ZBTB10: variants seen among roughly 807,000 people sequenced by gnomAD.
The protein encoded by ZBTB10 is zinc finger and BTB domain-containing protein 10.
In ZBTB10, 32 loss-of-function variants were observed where a neutral mutation model predicts 76.4. The observed-to-expected ratio is 0.42, with a 90% CI of 0.32 to 0.56. The LOEUF (loss-of-function observed/expected upper bound fraction) is 0.56. Ranked by LOEUF, ZBTB10 falls within the 20% of genes least tolerant of loss-of-function variation. ZBTB10 has a pLI of 0.14. For missense variants in ZBTB10, 1,057 were observed against 1,098.5 expected (o/e 0.96, Z 0.53); for synonymous variants, 523 against 432.9 (o/e 1.21, Z -2.58).
rs1008256778 is a variant in ZBTB10 at position 80,523,526 on chromosome 8, A to C, written c.*3998A>C. ...AGAAACCCCAGTTTTTGTGCCGTTC[A>C]GTCACCCAGATCCTTAAACTTAACT... On this transcript the variant is annotated 3_prime_UTR_variant, in exon 6 of 6. Transcript: ENST00000455036. 1.3e-5 allele frequency: 2 copies of C among 151,980 alleles called. No homozygotes were observed. Among genetic ancestry groups the C allele is most frequent in the Non-Finnish European group, 2.9e-5 (2 of 67,886 alleles). The allele number at this position is 151,980 out of a possible 1,614,324, so 9.4% of individuals were successfully genotyped here. A position where few individuals can be genotyped will look rare whatever the true frequency, so the allele number is the denominator to read the frequency against.
Position 80,486,584 on chromosome 8 carries a change from C to A in ZBTB10, c.-227C>A, listed in dbSNP as rs1306897177. The A allele has an allele frequency of 1.0e-6, 1 of 986,452 alleles. No homozygotes were observed. Among genetic ancestry groups the A allele is most frequent in the Non-Finnish European group, 1.2e-6 (1 of 831,026 alleles). 61.1% of individuals were successfully genotyped at this position (986,452 alleles called of 1,614,324 possible). On this transcript the variant is annotated 5_prime_UTR_variant, in exon 1 of 6. Coordinates refer to ENST00000455036, the MANE Select transcript of ZBTB10 (RefSeq NM_001105539.3). ...GGGGCGGGGGTGGAGGACGAGAGAGCGGTCGGAGGCGTCGGCCCGGCAGCG... is the reference window on the plus strand; with the variant it reads ...GGGGCGGGGGTGGAGGACGAGAGAGAGGTCGGAGGCGTCGGCCCGGCAGCG...
At position 80,486,444 on chromosome 8, in the gene ZBTB10, A is replaced by C. The variant is rs1340709164; in HGVS notation, c.-367A>C. ...CGCGGCTTTAAAGAGGGGGCAGCGG[A>C]GGGTCTCCCCGCACTCCGCTGCTCA... On this transcript the variant is annotated 5_prime_UTR_variant, in exon 1 of 6. Transcript: ENST00000455036. 4 of 984,648 alleles carry C rather than the reference A, an allele frequency of 4.1e-6. No individual in the cohort carries two copies. Among genetic ancestry groups the C allele is most frequent in the Non-Finnish European group, 4.8e-6 (4 of 829,846 alleles). 61.0% of individuals were successfully genotyped at this position (984,648 alleles called of 1,614,324 possible). A position where few individuals can be genotyped will look rare whatever the true frequency, so the allele number is the denominator to read the frequency against.
At chr8:80,516,894 T>C (rs1238219902) in intron 3 of ZBTB10, among the ~76,000 whole-genome samples, 1 of 152,192 alleles carries the variant, frequency 6.6e-6, no homozygotes, top group Non-Finnish European at 1.5e-5. Context: ...TTTAAAACCG[T>C]GATGCCCATG....
At position 80,487,119 on chromosome 8, in the gene ZBTB10, C is replaced by T; in HGVS notation, c.309C>T (p.Pro103=). Residue 103 remains proline (P), a synonymous_variant, in exon 1 of 6, where the codon CCC becomes CCT. Transcript: ENST00000455036. ...ELLLPQDAGG[P]TSLGGGAGGP... ...TGCTCCCCCAAGACGCGGGCGGCCC[C>T]ACCTCGCTTGGCGGTGGCGCGGGGG... 22 of 1,518,434 alleles carry T rather than the reference C, an allele frequency of 1.4e-5. No homozygotes were observed. In the Middle Eastern group the frequency reaches 5.1e-4, roughly 35 times the overall value. 94.1% of individuals were successfully genotyped at this position (1,518,434 alleles called of 1,614,324 possible). A position where few individuals can be genotyped will look rare whatever the true frequency, so the allele number is the denominator to read the frequency against.
At chr8:80,507,860 A>G (rs149576481) in intron 2 of ZBTB10, among the ~76,000 whole-genome samples, 17 of 152,272 alleles carry the variant, frequency 1.1e-4, no homozygotes, top group African/African-American at 3.1e-4. Context: ...TCAGCCTCCC[A>G]GAGTGCTGGG....
intron 1 of ZBTB10, among the ~76,000 whole-genome samples, chr8:80,492,105 T>C (rs1815645863): frequency 6.6e-6 from 1 of 152,242 alleles, no homozygotes; most frequent in African/African-American, 2.4e-5. Context: ...CTGAAAGACC[T>C]TTCACTGAGG....
At chr8:80,502,796 C>T (rs1302634467) in intron 2 of ZBTB10, among the ~76,000 whole-genome samples, 2 of 151,980 alleles carry the variant, frequency 1.3e-5, no homozygotes, top group African/African-American at 4.8e-5. Context: ...TCAACTCTGC[C>T]ACTTGTGACA....
intron 1 of ZBTB10, among the ~76,000 whole-genome samples, chr8:80,497,995 A>T (rs1189201163): frequency 6.6e-6 from 1 of 151,996 alleles, no homozygotes. Flanking sequence ...CTTTCAGTTG[A>T]CTTCTCATAC....
At chr8:80,516,526 C>G (rs1417929605) in intron 3 of ZBTB10, among the ~76,000 whole-genome samples, 1 of 152,180 alleles carries the variant, frequency 6.6e-6, no homozygotes, top group African/African-American at 2.4e-5. Flanking sequence ...CTACCACTTC[C>G]GTTCCATTCT....
intron 3 of ZBTB10, among the ~76,000 whole-genome samples, chr8:80,514,525 T>C (rs1307323040): frequency 6.6e-6 from 1 of 152,202 alleles, no homozygotes; most frequent in Non-Finnish European, 1.5e-5. Flanking sequence ...AGAAGAATGA[T>C]AGAATTGGAA....
chr8:80,506,562 A>AAC (rs1816058514), intron 2 of ZBTB10, among the ~76,000 whole-genome samples: 2 of 85,614 alleles, frequency 2.3e-5, no homozygotes, highest in Non-Finnish European at 2.2e-5. Context: ...CAGGTGATCC[A>AAC]CCCCCCCCCC....
chr8:80,513,104 A>G (rs1816239463), intron 2 of ZBTB10, among the ~76,000 whole-genome samples: 1 of 151,680 alleles, frequency 6.6e-6, no homozygotes, highest in South Asian at 2.1e-4. Flanking sequence ...TTTCACTCCC[A>G]TGGTTTTATT....
chr8:80,489,600 G>A (rs1815571739), intron 1 of ZBTB10, among the ~76,000 whole-genome samples: 1 of 152,142 alleles, frequency 6.6e-6, no homozygotes, highest in African/African-American at 2.4e-5. Context: ...GGCATTAATT[G>A]GATAACCTTA....
intron 3 of ZBTB10, among the ~76,000 whole-genome samples, chr8:80,515,692 G>T (rs1266088010): frequency 6.6e-6 from 1 of 152,100 alleles, no homozygotes; most frequent in Non-Finnish European, 1.5e-5. Context: ...TCTTAAAGGG[G>T]ACATTTCGAT....
chr8:80,501,529 G>A (rs1357851184), intron 2 of ZBTB10, among the ~76,000 whole-genome samples: 1 of 152,122 alleles, frequency 6.6e-6, no homozygotes, highest in Non-Finnish European at 1.5e-5. Flanking sequence ...TTTATACGAT[G>A]GTGGTCATCT....
chr8:80,488,431 A>G (rs1815539842), intron 1 of ZBTB10, among the ~76,000 whole-genome samples: 1 of 152,178 alleles, frequency 6.6e-6, no homozygotes, highest in African/African-American at 2.4e-5. Context: ...TGTAGTTTTT[A>G]CTTGTTTACT....
intron 2 of ZBTB10, among the ~76,000 whole-genome samples, chr8:80,503,104 T>C (rs1175675470): frequency 1.3e-5 from 2 of 152,172 alleles, no homozygotes; most frequent in African/African-American, 4.8e-5. Context: ...ATAATGAATT[T>C]AAAATTTAAA....
intron 1 of ZBTB10, among the ~76,000 whole-genome samples, chr8:80,494,524 A>G (rs146716702): frequency 1.9e-4 from 29 of 152,226 alleles, no homozygotes; most frequent in African/African-American, 6.7e-4. Context: ...GCAAGTTCTG[A>G]TGATTTTTAG....
rs1280977258 is a variant in ZBTB10 at position 80,524,789 on chromosome 8, GT to G, written c.*5266del. 6.6e-6 allele frequency: 1 copy of G among 152,068 alleles called. No individual in the cohort carries two copies. The highest frequency in any genetic ancestry group is 6.6e-5 in the Admixed American group (1 of 15,246). 9.4% of individuals were successfully genotyped at this position (152,068 alleles called of 1,614,324 possible). A position where few individuals can be genotyped will look rare whatever the true frequency, so the allele number is the denominator to read the frequency against. ...ACCATTGGCTCAAGATTGAAAATCGGTTTTTAATTATCCAAAGATGAAATGG... is the reference window on the plus strand; with the variant it reads ...ACCATTGGCTCAAGATTGAAAATCGGTTTTAATTATCCAAAGATGAAATGG... On this transcript the variant is annotated 3_prime_UTR_variant, in exon 6 of 6. Coordinates refer to ENST00000455036, the MANE Select transcript of ZBTB10 (RefSeq NM_001105539.3).
Sources: allele counts gnomAD v4.1 joint callset (sites outside exome capture counted in the v4.1 genomes callset), GRCh38; gene constraint gnomAD v4.1.1; transcripts MANE v1.5; gene names NCBI Gene and HGNC (gene_info 2026-07-23, HGNC 2026-07-21).